ANO10: variants seen among roughly 807,000 people sequenced by gnomAD.
ANO10 encodes the protein anoctamin 10.
In ANO10, 77 loss-of-function variants were observed where a neutral mutation model predicts 74.7. The observed-to-expected ratio is 1.03, with a 90% confidence interval of 0.86 to 1.25. The LOEUF is 1.25. Among genes scored for constraint, ANO10 ranks in the 50% most tolerant of loss-of-function variants. The probability of loss-of-function intolerance (pLI) is 0.00; values close to 1 mark genes in which losing one functional copy is unlikely to be tolerated. For missense variants in ANO10, 721 were observed against 778.1 expected (o/e 0.93, Z 0.87); for synonymous variants, 279 against 284.9 (o/e 0.98, Z 0.21).
chr3:43,667,122 G>A lies in ANO10; in HGVS notation c.-12+24395C>T, dbSNP rs563133637. ...TTGTCTTTTCTTGAGACAGAGTCTCGCTCTGTCACCCAGGCTGGAGTGCAG... is the reference window on the plus strand; with the variant it reads ...TTGTCTTTTCTTGAGACAGAGTCTCACTCTGTCACCCAGGCTGGAGTGCAG... On this transcript the variant is annotated intron_variant, in intron 1 of 3. Coordinates refer to the ANO10 transcript ENST00000413397. Among the ~76,000 whole-genome samples the A allele has an allele frequency of 4.0e-4, 45 of 111,564 alleles. 1 individual carries two copies. The highest frequency in any genetic ancestry group is 1.1e-3 in the Admixed American group (8 of 7,234). 73.2% of individuals were successfully genotyped at this position (111,564 alleles called of 152,430 possible). A position where few individuals can be genotyped will look rare whatever the true frequency, so the allele number is the denominator to read the frequency against.
Position 43,366,409 on chromosome 3 carries a change from A to G in ANO10, c.*497T>C, listed in dbSNP as rs2091412046. The G allele has an allele frequency of 4.3e-6, 1 of 230,826 alleles. No homozygotes were observed. The highest frequency in any genetic ancestry group is 8.7e-6 in the Non-Finnish European group (1 of 115,162). 14.3% of individuals were successfully genotyped at this position (230,826 alleles called of 1,614,324 possible). A position where few individuals can be genotyped will look rare whatever the true frequency, so the allele number is the denominator to read the frequency against. ...ATAAAGGGTCTGTTAATGTATTGCAAAAGAGAACCAGGAAAGAGGTCCAGT... is the reference window on the plus strand; with the variant it reads ...ATAAAGGGTCTGTTAATGTATTGCAGAAGAGAACCAGGAAAGAGGTCCAGT... On this transcript the variant is annotated 3_prime_UTR_variant, in exon 13 of 13. Transcript: ENST00000292246.
intron 11 of ANO10, among the ~76,000 whole-genome samples, chr3:43,545,150 GGCC>G (rs1188339079): frequency 6.6e-6 from 1 of 151,780 alleles, no homozygotes; most frequent in Non-Finnish European, 1.5e-5. Context: ...CTCTTATAGG[GGCC>G]ATGAATAAAC....
At chr3:43,551,441 T>C (rs748005152) in intron 10 of ANO10, 26 of 455,034 alleles carry the variant, frequency 5.7e-5, no homozygotes, top group Non-Finnish European at 9.7e-5. Context: ...TTAAGGTATA[T>C]ACTTCATTAC....
intron 11 of ANO10, among the ~76,000 whole-genome samples, chr3:43,501,650 C>G (rs2077104670): frequency 6.6e-6 from 1 of 152,200 alleles, no homozygotes. Flanking sequence ...AGATTGTTAC[C>G]CTGACAAGAA....
intron 11 of ANO10, among the ~76,000 whole-genome samples, chr3:43,473,864 C>T (rs1197399285): frequency 6.6e-6 from 1 of 152,114 alleles, no homozygotes; most frequent in South Asian, 2.1e-4. Context: ...AAAATTACAA[C>T]CCCTGAAGAT....
At chr3:43,535,842 G>A (rs2078688727) in intron 11 of ANO10, among the ~76,000 whole-genome samples, 1 of 152,182 alleles carries the variant, frequency 6.6e-6, no homozygotes, top group Non-Finnish European at 1.5e-5. Context: ...TAAAGATTAA[G>A]TCTCTTTAAG....
chr3:43,592,294 GCCT>G (rs1337479034), intron 4 of ANO10, among the ~76,000 whole-genome samples: 5 of 152,350 alleles, frequency 3.3e-5, no homozygotes, highest in Non-Finnish European at 5.9e-5. Flanking sequence ...CGGACAGACT[GCCT>G]CCTCAAGTGG....
chr3:43,450,808 T>A (rs2074831520), intron 11 of ANO10, among the ~76,000 whole-genome samples: 2 of 152,194 alleles, frequency 1.3e-5, no homozygotes, highest in Non-Finnish European at 2.9e-5. Context: ...AGATTACAGT[T>A]CAAAAAGTAC....
At chr3:43,649,563 CAG>C (rs994415470) in intron 1 of ANO10, among the ~76,000 whole-genome samples, 1 of 152,182 alleles carries the variant, frequency 6.6e-6, no homozygotes, top group Non-Finnish European at 1.5e-5. Context: ...CCACCTAACA[CAG>C]AACAGCTCTA....
chr3:43,650,750 G>A (rs2083778084), intron 1 of ANO10, among the ~76,000 whole-genome samples: 2 of 152,260 alleles, frequency 1.3e-5, no homozygotes. Flanking sequence ...GCCAGCTGCT[G>A]TGTTCTGTTT....
At chr3:43,601,820 T>C (rs1368298421) in intron 2 of ANO10, among the ~76,000 whole-genome samples, 1 of 152,166 alleles carries the variant, frequency 6.6e-6, no homozygotes, top group Non-Finnish European at 1.5e-5. Flanking sequence ...GATGGAAAGT[T>C]TGGTAATAGG....
chr3:43,577,209 CA>C lies in ANO10; in HGVS notation c.644del (p.Leu215TrpfsTer8). On this transcript the variant is annotated frameshift_variant, in exon 6 of 13. Coordinates refer to ENST00000292246, the MANE Select transcript of ANO10 (RefSeq NM_018075.5). LOFTEE classifies it high-confidence loss of function. The stretch of plus-strand genomic sequence containing the variant: ...GGATTAATGCAAAAGTGAAATACTC[CA>C]AAAATCCAAAGTACAGAGCAATTGT... ...GETIALYFGF[L>X]EYFTFALIPM... The C allele has an allele frequency of 6.2e-7, 1 of 1,614,106 alleles. No homozygotes were observed. Among genetic ancestry groups the C allele is most frequent in the African/African-American group, 1.3e-5 (1 of 75,030 alleles).
chr3:43,637,983 A>G (rs970350620), intron 1 of ANO10, among the ~76,000 whole-genome samples: 1 of 152,240 alleles, frequency 6.6e-6, no homozygotes, highest in African/African-American at 2.4e-5. Flanking sequence ...TGTTTCCTTC[A>G]TAAAGCATAA....
intron 12 of ANO10, among the ~76,000 whole-genome samples, chr3:43,378,963 C>A (rs1284334077): frequency 2.0e-5 from 3 of 152,206 alleles, no homozygotes; most frequent in Non-Finnish European, 4.4e-5. Flanking sequence ...TTCTTCCCAA[C>A]ACCTTTCATT....
At chr3:43,560,378 T>A (rs1321048991) in intron 9 of ANO10, among the ~76,000 whole-genome samples, 6 of 152,038 alleles carry the variant, frequency 3.9e-5, no homozygotes, top group African/African-American at 1.4e-4. Context: ...AACATGAACA[T>A]ACAAATTCCT....
intron 8 of ANO10, among the ~76,000 whole-genome samples, chr3:43,563,446 TA>T (rs1223098010): frequency 2.3e-5 from 3 of 128,540 alleles, no homozygotes; most frequent in Non-Finnish European, 3.3e-5. Flanking sequence ...TTGAGACATC[TA>T]AAAAAAAACC....
In ANO10 at chr3:43,541,833, A is replaced by G. The variant is rs137964911; in HGVS notation, c.1797+7887T>C. Among the ~76,000 whole-genome samples the G allele has an allele frequency of 3.4e-3, 520 of 152,330 alleles. 4 individuals carry two copies. The highest frequency in any genetic ancestry group is 0.012 in the African/African-American group (499 of 41,574). Reference sequence around the variant, plus strand: ...GATTGTCATACAGTTTTAGTAAATGATAACAGTGACTTTCACAAAGGGTCC... The same window carrying G: ...GATTGTCATACAGTTTTAGTAAATGGTAACAGTGACTTTCACAAAGGGTCC... On this transcript the variant is annotated intron_variant, in intron 11 of 12. Transcript: ENST00000292246.
At chr3:43,579,917 G>A (rs2081187001) in intron 5 of ANO10, among the ~76,000 whole-genome samples, 1 of 151,958 alleles carries the variant, frequency 6.6e-6, no homozygotes, top group South Asian at 2.1e-4. Context: ...CACTTTGGGA[G>A]CCCAAGGCAC....
intron 12 of ANO10, among the ~76,000 whole-genome samples, chr3:43,391,622 G>C (rs1247301240): frequency 6.6e-6 from 1 of 152,172 alleles, no homozygotes; most frequent in African/African-American, 2.4e-5. Context: ...AGTTTACAGA[G>C]GCTATGGTTT....
Sources: gnomAD v4.1 joint callset for allele counts (sites outside exome capture counted in the v4.1 genomes callset) on GRCh38, gnomAD v4.1.1 for gene constraint, MANE v1.5 for transcripts, NCBI Gene and HGNC (gene_info 2026-07-23, HGNC 2026-07-21) for gene names.